The following SLX4 variants were observed in gnomAD, a reference collection of about 807,000 sequenced individuals.
The protein encoded by SLX4 is SLX4 structure-specific endonuclease subunit, also known as structure-specific endonuclease subunit SLX4.
A neutral mutation model predicts 146.2 loss-of-function variants in SLX4; 112 were observed. That is an observed-to-expected ratio of 0.77 (90% CI 0.66 to 0.90). The LOEUF (loss-of-function observed/expected upper bound fraction) is 0.90. Ranked by LOEUF, SLX4 falls within the 40% of genes least tolerant of loss-of-function variation. The pLI is 0.00. For missense variants in SLX4, 2,563 were observed against 2,392.7 expected, an observed-to-expected ratio of 1.07 and a Z score of -1.49; for synonymous variants, 1,061 against 997.7, an observed-to-expected ratio of 1.06 and a Z score of -1.20.
chr16:3,584,811 T>G lies in SLX4; in HGVS notation c.4697A>C (p.Tyr1566Ser), dbSNP rs145145731. Residue 1566 changes from tyrosine (Y) to serine (S), a missense_variant, in exon 13 of 15, where the codon TAT becomes TCT. By Grantham distance (144) the Tyr-to-Ser change is moderately radical. Coordinates refer to ENST00000294008, the MANE Select transcript of SLX4 (RefSeq NM_032444.4). ...CAGCACCGGCGTCTCCATAATGGAA[T>G]ACTGTGGCATCGGCGTTATGGGCAC... is the stretch of plus-strand genomic sequence containing the variant. ...PKVPITPMPQ[Y>S]SIMETPVLKK... 1 of 1,614,058 alleles carries G rather than the reference T, an allele frequency of 6.2e-7. No homozygotes were observed. The highest frequency in any genetic ancestry group is 1.3e-5 in the African/African-American group (1 of 74,936).
At position 3,596,253 on chromosome 16, in the gene SLX4, C is replaced by T. The variant is rs1028896815; in HGVS notation, c.1824G>A (p.Glu608=). 1.5e-5 allele frequency: 24 copies of T among 1,557,982 alleles called. No homozygotes were observed. The highest frequency in any genetic ancestry group is 2.0e-5 in the Non-Finnish European group (23 of 1,152,806). Residue 608 remains glutamate (E), a synonymous_variant, in exon 8 of 15, where the codon GAG becomes GAA. Coordinates refer to ENST00000294008, the MANE Select transcript of SLX4 (RefSeq NM_032444.4). ...CCACGAGGTCCTGCAGGGCCTGGTG[C>T]TCCCTCTGGCTGGCCGAAGGCGACG... is the stretch of plus-strand genomic sequence containing the variant. The part of the protein sequence containing the change: ...RGPSPSASQR[E]HQALQDLVDL...
rs2040788600 is a variant in SLX4, at chr16:3,606,675, G to A, written c.559C>T (p.Gln187Ter). The change falls in exon 3 of 15, where the codon CAG (glutamine) becomes TAG (stop). Residue 187 changes from glutamine to a stop codon, truncating the protein, a stop_gained. Coordinates refer to ENST00000294008, the MANE Select transcript of SLX4 (RefSeq NM_032444.4). LOFTEE classifies it high-confidence loss of function. ...GTTGTCAAACAGGAAGGAGGAGGCTGGGAGTCGCTGTTGGGCACATTCTCT... is the reference window on the plus strand; with the variant it reads ...GTTGTCAAACAGGAAGGAGGAGGCTAGGAGTCGCTGTTGGGCACATTCTCT... ...TRENVPNSDS[Q>*]PPPSCLTTAV... 6.2e-7 allele frequency: 1 copy of A among 1,614,168 alleles called. No homozygotes were observed. The highest frequency in any genetic ancestry group is 1.3e-5 in the African/African-American group (1 of 75,042).
Position 3,590,054 on chromosome 16 carries a change from A to G in SLX4, c.3584T>C (p.Ile1195Thr), listed in dbSNP as rs757575928. The G allele has an allele frequency of 1.5e-5, 24 of 1,612,914 alleles. No individual in the cohort carries two copies. Among genetic ancestry groups the G allele is most frequent in the Non-Finnish European group, 1.9e-5 (23 of 1,180,026 alleles). Residue 1195 changes from isoleucine to threonine, a missense_variant, in exon 12 of 15, where the codon ATT becomes ACT. By Grantham distance (89) the Ile-to-Thr change is moderately conservative. Transcript: ENST00000294008. The surrounding 1 kb of genome is among the most constrained non-coding windows in gnomAD (Gnocchi z 4.8). ...SPRSCELFSI[I>T]DVDADQEPSQ... ...AGGTTCCTGATCTGCATCAACATCA[A>G]TGATGGAAAACAGCTCACAGGACCT...
In SLX4 at chr16:3,582,652, C is replaced by G. The variant is rs2040453613; in HGVS notation, c.5195G>C (p.Gly1732Ala). Residue 1732 changes from glycine to alanine, a missense_variant, in exon 15 of 15, where the codon GGT becomes GCT. Coordinates refer to ENST00000294008, the MANE Select transcript of SLX4 (RefSeq NM_032444.4). ...GACCTCCCCCTCGCCCTCCTCTTCA[C>G]CTGCAGACTCAAATGCCGCTCCAAA... is the stretch of plus-strand genomic sequence containing the variant. ...CEFGAAFESA[G>A]EEEGEGEVSA... The G allele has an allele frequency of 6.2e-7, 1 of 1,613,236 alleles. No homozygotes were observed.
Position 3,606,717 on chromosome 16 carries a change from T to C in SLX4, c.536-19A>G, listed in dbSNP as rs2040789637. 2 of 1,612,780 alleles carry C rather than the reference T, an allele frequency of 1.2e-6. No homozygotes were observed. ...ACATTCTCTGGCAAGGAGGAAAATA[T>C]TCACAACCATCTGTTGTAGCTGGAG... On this transcript the variant is annotated intron_variant, in intron 2 of 14. Transcript: ENST00000294008.
intron 1 of SLX4, among the ~76,000 whole-genome samples, chr16:3,610,152 G>A (rs112915291): frequency 8.5e-5 from 13 of 152,268 alleles, no homozygotes; most frequent in African/African-American, 2.9e-4. Flanking sequence ...AATCAAAACT[G>A]AATGACCCAA....
intron 12 of SLX4, 85 bp from the exon 13 acceptor site, chr16:3,584,956 TA>T (rs1158490411): frequency 2.0e-6 from 2 of 988,200 alleles, no homozygotes. Flanking sequence ...CCAAGAGGAA[TA>T]ATGCACTTGA....
At chr16:3,595,387 A>G (rs1217512742) in intron 9 of SLX4, among the ~76,000 whole-genome samples, 1 of 152,214 alleles carries the variant, frequency 6.6e-6, no homozygotes, top group African/African-American at 2.4e-5. Context: ...AAAAGGCAGA[A>G]GTCTCGTGGC....
rs750620707 is a variant in SLX4 at position 3,591,805 on chromosome 16, C to T, written c.2328-495G>A. Among the ~76,000 whole-genome samples the T allele has an allele frequency of 2.8e-4, 42 of 152,120 alleles. 1 individual carries two copies. The highest frequency in any genetic ancestry group is 3.2e-3 in the Middle Eastern group (1 of 316). Reference sequence around the variant, plus strand: ...CCTAGGAGTTCAAGGCTACAGTGAGCTGTGATCATGCCACTGCCATCCAGC... The same window carrying T: ...CCTAGGAGTTCAAGGCTACAGTGAGTTGTGATCATGCCACTGCCATCCAGC... On this transcript the variant is annotated intron_variant, in intron 11 of 14. Coordinates refer to ENST00000294008, the MANE Select transcript of SLX4 (RefSeq NM_032444.4).
At chr16:3,604,287 C>T (rs557150581) in intron 3 of SLX4, among the ~76,000 whole-genome samples, 15 of 150,520 alleles carry the variant, frequency 1.0e-4, no homozygotes, top group African/African-American at 3.4e-4. Flanking sequence ...AGAATCTAGA[C>T]CTTAGGATAC....
rs1049534327 is a variant in SLX4 at position 3,582,545 on chromosome 16, G to A, written c.5302C>T (p.Gln1768Ter). The A allele has an allele frequency of 6.2e-6, 10 of 1,613,952 alleles. No homozygotes were observed. The highest frequency in any genetic ancestry group is 7.6e-6 in the Non-Finnish European group (9 of 1,180,030). The change falls in exon 15 of 15, where the codon CAG becomes TAG. Residue 1768 changes from glutamine to a stop codon, truncating the protein, a stop_gained. Coordinates refer to ENST00000294008, the MANE Select transcript of SLX4 (RefSeq NM_032444.4). LOFTEE classifies it low-confidence loss of function (END_TRUNC). ...CYIRSKPALY[Q>*]KVLLYQPFEL... ...AAGGGCTGGTACAGCAGCACCTTCT[G>A]GTACAGGGCCGGCTTGGAGCGGATG...
rs543847606 is a variant in SLX4, at chr16:3,584,826, G to A, written c.4682C>T (p.Thr1561Met). 2.5e-5 allele frequency: 40 copies of A among 1,614,162 alleles called. No homozygotes were observed. Among genetic ancestry groups the A allele is most frequent in the African/African-American group, 1.6e-4 (12 of 75,052 alleles). ...KKNLPPKVPI[T>M]PMPQYSIMET... ...CATAATGGAATACTGTGGCATCGGC[G>A]TTATGGGCACTTTGGGGGGCAAGTT... The change falls in exon 13 of 15, where the codon ACG (threonine) becomes ATG (methionine). Residue 1561 changes from threonine (T) to methionine (M), a missense_variant. Transcript: ENST00000294008.
chr16:3,590,577 G>A lies in SLX4; in HGVS notation c.3061C>T (p.Arg1021Cys), dbSNP rs138344471. ...GGAGATGCCTGCCAGGGAGCCAGGC[G>A]ATGAGAAACCTCCAGCCCCCTTTCC... is the stretch of plus-strand genomic sequence containing the variant. ...VRERGLEVSH[R>C]LAPWQASPPH... Residue 1021 changes from arginine to cysteine, a missense_variant, in exon 12 of 15, where the codon CGC (arginine) becomes TGC (cysteine). Transcript: ENST00000294008. The surrounding 1 kb of genome is among the most constrained non-coding windows in gnomAD (Gnocchi z 4.8). 109 of 1,612,872 alleles carry A rather than the reference G, an allele frequency of 6.8e-5. No homozygotes were observed. Among genetic ancestry groups the A allele is most frequent in the Non-Finnish European group, 8.2e-5 (97 of 1,178,892 alleles).
rs541345908 is a variant in SLX4, at chr16:3,609,170, G to A, written c.-206C>T. On this transcript the variant is annotated 5_prime_UTR_variant, in exon 2 of 15. Coordinates refer to ENST00000294008, the MANE Select transcript of SLX4 (RefSeq NM_032444.4). ...TGTAATCCCAGCTCTTTTGGAGGAC[G>A]AGGCGGGGGGTGGATCACCTGAGGT... 18 of 545,762 alleles carry A rather than the reference G, an allele frequency of 3.3e-5. No homozygotes were observed. Among genetic ancestry groups the A allele is most frequent in the Admixed American group, 8.9e-5 (3 of 33,788 alleles). 33.8% of individuals were successfully genotyped at this position (545,762 alleles called of 1,614,324 possible). A position where few individuals can be genotyped will look rare whatever the true frequency, so the allele number is the denominator to read the frequency against.
intron 3 of SLX4, among the ~76,000 whole-genome samples, chr16:3,603,989 G>A (rs1042175166): frequency 6.6e-6 from 1 of 152,146 alleles, no homozygotes; most frequent in African/African-American, 2.4e-5. Context: ...TAGCACTTTG[G>A]GAGGCTGAGG....
chr16:3,592,636 T>C (rs1596523767), intron 11 of SLX4, 63 bp downstream of exon 11: 1 of 1,564,032 alleles, frequency 6.4e-7, no homozygotes. Flanking sequence ...AGCACAACCC[T>C]CCAGAGCTGT....
chr16:3,587,234 C>T (rs956983226), intron 12 of SLX4, among the ~76,000 whole-genome samples: 13 of 152,280 alleles, frequency 8.5e-5, no homozygotes, highest in South Asian at 6.2e-4. Context: ...AGGTGGCTCA[C>T]GCCTGTAATC....
In SLX4 at chr16:3,591,211, T is replaced by G; in HGVS notation, c.2427A>C (p.Glu809Asp). ...GTTCCTGGAAATTCTCGGCCCTGCT[T>G]TCGCAATTCTCTGCTTCCTTCTCCT... ...PWEEKEAENC[E>D]SRAENFQELL... Residue 809 changes from glutamate (E) to aspartate (D), a missense_variant, in exon 12 of 15, where the codon GAA (glutamate) becomes GAC (aspartate). Glu to Asp is a conservative substitution (Grantham distance 45, BLOSUM62 2). Transcript: ENST00000294008. 6.2e-7 allele frequency: 1 copy of G among 1,614,044 alleles called. No homozygotes were observed. Among genetic ancestry groups the G allele is most frequent in the Admixed American group, 1.7e-5 (1 of 60,032 alleles).
intron 14 of SLX4, among the ~76,000 whole-genome samples, 197 bp from the exon 15 acceptor site, chr16:3,582,890 A>G (rs1012837813): frequency 6.6e-6 from 1 of 152,198 alleles, no homozygotes; most frequent in Non-Finnish European, 1.5e-5. Flanking sequence ...AGAAATGTCT[A>G]GCATGTGGGG....
Sources: allele counts gnomAD v4.1 joint callset (sites outside exome capture counted in the v4.1 genomes callset), GRCh38; gene constraint gnomAD v4.1.1; non-coding constraint Gnocchi (gnomAD v3.1); transcripts MANE v1.5; gene names NCBI Gene and HGNC (gene_info 2026-07-23, HGNC 2026-07-21).